Variants in NEBL observed in about 807,000 individuals in gnomAD.
NEBL encodes nebulette.
Under a neutral mutation model 140.2 loss-of-function variants are expected in NEBL, and 122 were observed. That is an observed-to-expected ratio of 0.87 (90% CI 0.75 to 1.01). The LOEUF is 1.01. NEBL is among the 50% of genes least tolerant of loss of function. The pLI is 0.00. For missense variants in NEBL, 1,365 were observed against 1,231.3 expected (o/e 1.11, Z -1.62); for synonymous variants, 436 against 398.9 (o/e 1.09, Z -1.11).
At chr10:21,274,957 A>AG (rs1194763756) in intron 1 of NEBL, among the ~76,000 whole-genome samples, 3 of 152,062 alleles carry the variant, frequency 2.0e-5, no homozygotes, top group Non-Finnish European at 4.4e-5. Flanking sequence ...GAAGAGGAGG[A>AG]GGGGTTGGTT....
At chr10:21,261,589 G>A (rs771309778) in intron 1 of NEBL, among the ~76,000 whole-genome samples, 6 of 151,726 alleles carry the variant, frequency 4.0e-5, no homozygotes, top group African/African-American at 1.2e-4. Flanking sequence ...TGAGGCTGCA[G>A]TGAGCCATGA....
At chr10:21,178,216 A>C (rs577618706), upstream of NEBL, among the ~76,000 whole-genome samples, 3 of 152,346 alleles carry the variant, frequency 2.0e-5, no homozygotes, top group African/African-American at 7.2e-5. Flanking sequence ...ACATTAGGGG[A>C]AATTCAAGAT....
intron 2 of NEBL, among the ~76,000 whole-genome samples, chr10:21,129,943 G>A (rs1839023297): frequency 6.6e-6 from 1 of 151,928 alleles, no homozygotes; most frequent in Non-Finnish European, 1.5e-5. Context: ...CCAACTGAAA[G>A]ACAGAAATTT....
chr10:21,034,143 G>C (rs1833916130), intron 2 of NEBL, among the ~76,000 whole-genome samples: 1 of 132,272 alleles, frequency 7.6e-6, no homozygotes, highest in African/African-American at 3.0e-5. Flanking sequence ...CTCCAACCTA[G>C]GCAACAGAGC....
rs114714698 is a variant in NEBL at position 21,078,856 on chromosome 10, G to A, written c.165-58655C>T. Among the ~76,000 whole-genome samples the A allele has an allele frequency of 2.7e-3, 409 of 152,254 alleles. 1 individual carries two copies. The highest frequency in any genetic ancestry group is 9.2e-3 in the African/African-American group (384 of 41,564). On this transcript the variant is annotated intron_variant, in intron 2 of 6. Coordinates refer to the NEBL transcript ENST00000417816. Reference sequence around the variant, plus strand: ...AGTGTTTCAACTTGCTTATTAGCTGGCTGCCACTTGGTGGCACTGTTGATT... The same window carrying A: ...AGTGTTTCAACTTGCTTATTAGCTGACTGCCACTTGGTGGCACTGTTGATT...
At chr10:20,934,219 T>G (rs1834357264) in intron 4 of NEBL, among the ~76,000 whole-genome samples, 1 of 152,124 alleles carries the variant, frequency 6.6e-6, no homozygotes, top group African/African-American at 2.4e-5. Flanking sequence ...CCCCAAGTAT[T>G]CCTTCTATTA....
chr10:21,153,878 T>G (rs73609204), intron 2 of NEBL, among the ~76,000 whole-genome samples: 3,919 of 152,240 alleles, frequency 0.026, 154 homozygotes, highest in African/African-American at 0.088. Context: ...ATCTTAAAAG[T>G]TAAGATGTAG....
At chr10:20,872,385 G>C (rs1388367414) in intron 5 of NEBL, among the ~76,000 whole-genome samples, 3 of 152,074 alleles carry the variant, frequency 2.0e-5, no homozygotes, top group Non-Finnish European at 4.4e-5. Context: ...CACTCCTTGG[G>C]AATATTCCAT....
chr10:20,849,555 T>C (rs1842309423), intron 11 of NEBL, among the ~76,000 whole-genome samples: 1 of 152,154 alleles, frequency 6.6e-6, no homozygotes, highest in Non-Finnish European at 1.5e-5. Context: ...GATAAAAGGA[T>C]GAGTTTCCCA....
chr10:20,811,109 C>T (rs1838092346), intron 24 of NEBL, among the ~76,000 whole-genome samples: 1 of 152,098 alleles, frequency 6.6e-6, no homozygotes, highest in Non-Finnish European at 1.5e-5. Context: ...TAATGTTGGC[C>T]AATTATGGAA....
Position 20,888,119 on chromosome 10 carries a change from TCTC to T in NEBL, c.344_346del (p.Gly115del), listed in dbSNP as rs773042028. On this transcript the variant is annotated inframe_deletion, in exon 4 of 28. Transcript: ENST00000377122. ...TACCTCACTCTGGAGCTGTGTAACT[TCTC>T]CTGCAAAAACACTGTCAATTGTGGC... 4.0e-5 allele frequency: 65 copies of T among 1,612,812 alleles called. No homozygotes were observed. Among genetic ancestry groups the T allele is most frequent in the African/African-American group, 4.0e-4 (30 of 74,984 alleles).
At chr10:20,927,306 C>T (rs1833960590) in intron 4 of NEBL, among the ~76,000 whole-genome samples, 1 of 152,096 alleles carries the variant, frequency 6.6e-6, no homozygotes, top group African/African-American at 2.4e-5. Context: ...TTAAATTATT[C>T]CTATTAAATA....
At chr10:20,970,200 G>A (rs1012128241) in intron 3 of NEBL, among the ~76,000 whole-genome samples, 5 of 152,106 alleles carry the variant, frequency 3.3e-5, no homozygotes, top group South Asian at 2.1e-4. Flanking sequence ...GAAGCCCAGC[G>A]GATAAGCTGT....
intron 3 of NEBL, among the ~76,000 whole-genome samples, chr10:21,214,255 A>C (rs1288392533): frequency 6.6e-6 from 1 of 151,736 alleles, no homozygotes; most frequent in East Asian, 1.9e-4. Flanking sequence ...TGTTTTTTCA[A>C]ATTAAAAATT....
chr10:20,862,387 T>C (rs530154488), intron 7 of NEBL, among the ~76,000 whole-genome samples: 20 of 152,288 alleles, frequency 1.3e-4, no homozygotes, highest in Admixed American at 2.6e-4. Flanking sequence ...TATAAAAAAA[T>C]GCACGGACCA....
rs1205870102 is a variant in NEBL at position 20,825,671 on chromosome 10, A to AT, written c.1869+775_1869+776insA. Among the ~76,000 whole-genome samples, 4 of 152,220 alleles carry AT rather than the reference A, an allele frequency of 2.6e-5. No individual in the cohort carries two copies. In the East Asian group the frequency reaches 7.7e-4, roughly 29 times the overall value. On this transcript the variant is annotated intron_variant, in intron 18 of 27. Transcript: ENST00000377122. The stretch of plus-strand genomic sequence containing the variant: ...AAAGCAAGACTCTGTCTCAAAAAAA[A>AT]AAAAGAAACTCAATGTACTAAATAT...
intron 6 of NEBL, among the ~76,000 whole-genome samples, chr10:20,869,134 A>T (rs961614888): frequency 3.9e-5 from 6 of 152,312 alleles, no homozygotes; most frequent in South Asian, 4.1e-4. Context: ...TGTTCTGGCC[A>T]TACTTGATTG....
At chr10:21,241,841 T>C (rs1187092257) in intron 3 of NEBL, among the ~76,000 whole-genome samples, 1 of 152,224 alleles carries the variant, frequency 6.6e-6, no homozygotes, top group East Asian at 1.9e-4. Flanking sequence ...AAGTTCTTTA[T>C]AGACCTGGGA....
At chr10:21,078,311 G>A (rs1327531519) in intron 2 of NEBL, among the ~76,000 whole-genome samples, 1 of 152,170 alleles carries the variant, frequency 6.6e-6, no homozygotes, top group East Asian at 1.9e-4. Context: ...ACAGCCAGTA[G>A]AATGTATTCT....
Sources: allele counts gnomAD v4.1 joint callset (sites outside exome capture counted in the v4.1 genomes callset), GRCh38; gene constraint gnomAD v4.1.1; transcripts MANE v1.5; gene names NCBI Gene and HGNC (gene_info 2026-07-23, HGNC 2026-07-21).